Variants in TTYH2 observed in about 807,000 individuals in gnomAD.
The protein encoded by TTYH2 is protein tweety homolog 2.
TTYH2 carries 49 observed loss-of-function variants against 68.3 expected under a neutral mutation model. That is an observed-to-expected ratio of 0.72 (90% CI 0.57 to 0.91). The LOEUF (loss-of-function observed/expected upper bound fraction) is 0.91, where lower values mean the gene tolerates loss of function less well. Among genes scored for constraint, TTYH2 ranks in the 40% least tolerant of loss-of-function variants. The probability of loss-of-function intolerance (pLI) is 0.00; values close to 1 mark genes in which losing one functional copy is unlikely to be tolerated. For missense variants in TTYH2, 631 were observed against 700.4 expected (o/e 0.90, Z 1.12); for synonymous variants, 272 against 300.8 (o/e 0.90, Z 0.99).
Position 74,253,355 on chromosome 17 carries a change from C to T in TTYH2, c.1445+89C>T, listed in dbSNP as rs761911037. 1.2e-4 allele frequency: 167 copies of T among 1,451,060 alleles called. No homozygotes were observed. Among genetic ancestry groups the T allele is most frequent in the South Asian group, 1.5e-4 (11 of 71,998 alleles). 89.9% of individuals were successfully genotyped at this position (1,451,060 alleles called of 1,614,324 possible). A position where few individuals can be genotyped will look rare whatever the true frequency, so the allele number is the denominator to read the frequency against. ...ACAGTGCCGGGTGTGGGGAGGAAGGCATCCAAGGCCACCCGTGGTCCCCAC... is the reference window on the plus strand; with the variant it reads ...ACAGTGCCGGGTGTGGGGAGGAAGGTATCCAAGGCCACCCGTGGTCCCCAC... On this transcript the variant is annotated intron_variant, in intron 12 of 13. Transcript: ENST00000269346.
Position 74,250,307 on chromosome 17 carries a change from T to C in TTYH2, c.1066T>C (p.Ser356Pro), listed in dbSNP as rs1189152192. 1 of 1,613,678 alleles carries C rather than the reference T, an allele frequency of 6.2e-7. No homozygotes were observed. Among genetic ancestry groups the C allele is most frequent in the Admixed American group, 1.7e-5 (1 of 59,966 alleles). ...CCAGCTCCTGCTGAACTCCTCAGAG[T>C]CCAGCCTTCACCAGCTGACCGCCAT... is the stretch of plus-strand genomic sequence containing the variant. ...AIQLLLNSSE[S>P]SLHQLTAMVD... The change falls in exon 10 of 14, where the codon TCC becomes CCC. Residue 356 changes from serine to proline, a missense_variant. Coordinates refer to ENST00000269346, the MANE Select transcript of TTYH2 (RefSeq NM_032646.6).
Position 74,237,486 on chromosome 17 carries a change from G to T in TTYH2, c.607G>T (p.Asp203Tyr), listed in dbSNP as rs773235765. ...EVTMELTKLSDQTGYVEYYRW... is the reference protein window; with the variant it reads ...EVTMELTKLSYQTGYVEYYRW... The stretch of plus-strand genomic sequence containing the variant: ...CACCATGGAGCTGACCAAGCTATCC[G>T]ACCAGACTGGCTACGTGGAGTACTA... The change falls in exon 4 of 14, where the codon GAC becomes TAC. Residue 203 changes from aspartate to tyrosine, a missense_variant. Coordinates refer to ENST00000269346, the MANE Select transcript of TTYH2 (RefSeq NM_032646.6). 6.2e-7 allele frequency: 1 copy of T among 1,613,346 alleles called. No homozygotes were observed. The highest frequency in any genetic ancestry group is 8.5e-7 in the Non-Finnish European group (1 of 1,179,514).
intron 7 of TTYH2, 93 bp downstream of exon 7, chr17:74,249,173 C>G (rs1382773666): frequency 1.9e-6 from 3 of 1,578,162 alleles, no homozygotes; most frequent in Non-Finnish European, 2.6e-6. Flanking sequence ...GCCATCCAAC[C>G]CCTCCTCAAC....
At chr17:74,235,527 G>A (rs766189262) in intron 3 of TTYH2, among the ~76,000 whole-genome samples, 4 of 152,210 alleles carry the variant, frequency 2.6e-5, no homozygotes, top group Non-Finnish European at 4.4e-5. Flanking sequence ...GGAAAGTCCC[G>A]CTAACCAGTA....
At chr17:74,219,477 C>T (rs915485134) in intron 1 of TTYH2, among the ~76,000 whole-genome samples, 6 of 151,880 alleles carry the variant, frequency 4.0e-5, no homozygotes, top group Non-Finnish European at 7.4e-5. Context: ...CGAGCACCTG[C>T]GTGCGTGGTA....
intron 2 of TTYH2, among the ~76,000 whole-genome samples, chr17:74,227,031 G>A (rs1289376149): frequency 6.6e-6 from 1 of 152,004 alleles, no homozygotes; most frequent in Non-Finnish European, 1.5e-5. Flanking sequence ...CTGGAGTGCA[G>A]TGGCACGATC....
chr17:74,230,668 T>G (rs1218979539), intron 2 of TTYH2, among the ~76,000 whole-genome samples: 1 of 148,552 alleles, frequency 6.7e-6, no homozygotes, highest in African/African-American at 2.5e-5. Flanking sequence ...GGAGACAGAG[T>G]CTAGCTCTGT....
chr17:74,213,650 G>A lies in TTYH2; in HGVS notation c.63G>A (p.Pro21=), dbSNP rs1274471955. ...GGGTCGTGTGGCTGCACAGCGTCCCGCACGTCGGCCTGCGCCTGCAGCCCG... is the reference window on the plus strand; with the variant it reads ...GGGTCGTGTGGCTGCACAGCGTCCCACACGTCGGCCTGCGCCTGCAGCCCG... ...PWWVVWLHSV[P]HVGLRLQPVN... Residue 21 remains proline, a synonymous_variant, in exon 1 of 14, where the codon CCG becomes CCA. Transcript: ENST00000269346. This position sits in a 1 kb window ranked among gnomAD's most constrained non-coding sequence, Gnocchi z 6.1. 3 of 1,612,128 alleles carry A rather than the reference G, an allele frequency of 1.9e-6. No individual in the cohort carries two copies. Among genetic ancestry groups the A allele is most frequent in the East Asian group, 4.5e-5 (2 of 44,784 alleles).
rs535764707 is a variant in TTYH2, at chr17:74,218,013, C to T, written c.129+4297C>T. On this transcript the variant is annotated intron_variant, in intron 1 of 13. Coordinates refer to ENST00000269346, the MANE Select transcript of TTYH2 (RefSeq NM_032646.6). Reference sequence around the variant, plus strand: ...ATTGTCTTGGCAAAGCTCTGTCCATCTGAGCAGGGGGGCCTGGAAGCAGAA... The same window carrying T: ...ATTGTCTTGGCAAAGCTCTGTCCATTTGAGCAGGGGGGCCTGGAAGCAGAA... 1.4e-4 allele frequency among the ~76,000 whole-genome samples: 21 copies of T among 152,260 alleles called. No homozygotes were observed. The South Asian group carries it at 3.9e-3, about 29-fold the overall frequency.
Position 74,252,195 on chromosome 17 carries a change from C to T in TTYH2, c.1117-39C>T, listed in dbSNP as rs199510369. 1.9e-3 allele frequency: 3,007 copies of T among 1,607,826 alleles called. 82 individuals carry two copies. In the South Asian group the frequency reaches 0.031, roughly 16 times the overall value. ...GAGCTCGGCCCGCAGGCTTTGCCCCCGCTCCTTCACTAGCTGCATGTCCCT... is the reference window on the plus strand; with the variant it reads ...GAGCTCGGCCCGCAGGCTTTGCCCCTGCTCCTTCACTAGCTGCATGTCCCT... On this transcript the variant is annotated intron_variant, in intron 10 of 13. Transcript: ENST00000269346.
chr17:74,223,222 C>T (rs1477999640), intron 2 of TTYH2, among the ~76,000 whole-genome samples: 1 of 151,822 alleles, frequency 6.6e-6, no homozygotes, highest in Middle Eastern at 3.2e-3. Flanking sequence ...AATCCTCCCA[C>T]CTCAGCCTCC....
rs767084270 is a variant in TTYH2, at chr17:74,253,294, G to C, written c.1445+28G>C. The C allele has an allele frequency of 3.9e-6, 6 of 1,550,530 alleles. No homozygotes were observed. In the Middle Eastern group the frequency reaches 6.1e-4, roughly 158 times the overall value. On this transcript the variant is annotated intron_variant, in intron 12 of 13. Coordinates refer to ENST00000269346, the MANE Select transcript of TTYH2 (RefSeq NM_032646.6). ...ACGGCCTGCACACACACCCAGGCTG[G>C]GTAGCACTGCCCGGACAGCATGTTG...
At chr17:74,254,690 A>G (rs188130584) in intron 13 of TTYH2, among the ~76,000 whole-genome samples, 3 of 152,396 alleles carry the variant, frequency 2.0e-5, no homozygotes, top group African/African-American at 7.2e-5. Flanking sequence ...GAAGGTTTGC[A>G]GACATCTCAA....
chr17:74,249,260 G>A (rs2050593283), intron 7 of TTYH2, 84 bp from the exon 8 acceptor site: 4 of 1,588,234 alleles, frequency 2.5e-6, no homozygotes, highest in Non-Finnish European at 3.5e-6. Flanking sequence ...GGACGGGGAG[G>A]GAGGTCTGGC....
At chr17:74,219,656 A>T (rs1353107570) in intron 1 of TTYH2, among the ~76,000 whole-genome samples, 2 of 152,160 alleles carry the variant, frequency 1.3e-5, no homozygotes, top group Admixed American at 6.5e-5. Flanking sequence ...CATATAAATT[A>T]ATCCATACAG....
rs796487499 is a variant in TTYH2 at position 74,218,531 on chromosome 17, C to A, written c.130-3954C>A. ...GTATTTTTTTTTAAAAAAAGGAAAT[C>A]AAAAAAAAAAAAAAATGCCTCCGAG... On this transcript the variant is annotated intron_variant, in intron 1 of 13. Transcript: ENST00000269346. 5.8e-3 allele frequency among the ~76,000 whole-genome samples: 739 copies of A among 128,422 alleles called. 2 individuals carry two copies. Among genetic ancestry groups the A allele is most frequent in the African/African-American group, 0.015 (533 of 34,812 alleles). 84.2% of individuals were successfully genotyped at this position (128,422 alleles called of 152,430 possible).
At chr17:74,250,612 G>C (rs1191398875) in intron 10 of TTYH2, 2 of 454,698 alleles carry the variant, frequency 4.4e-6, no homozygotes, top group East Asian at 3.5e-5. Context: ...GTCACTGGGG[G>C]ACCCTGAACA....
At chr17:74,231,060 G>A (rs1381648924) in intron 3 of TTYH2, 61 bp downstream of exon 3, 2 of 1,496,628 alleles carry the variant, frequency 1.3e-6, no homozygotes. Context: ...CGTGGTCAGA[G>A]CAAGGGCCCC....
At position 74,213,614 on chromosome 17, in the gene TTYH2, C is replaced by T. The variant is rs2050192477; in HGVS notation, c.27C>T (p.Ile9=). The T allele has an allele frequency of 1.9e-6, 3 of 1,610,540 alleles. No individual in the cohort carries two copies. Among genetic ancestry groups the T allele is most frequent in the Non-Finnish European group, 2.5e-6 (3 of 1,178,842 alleles). The part of the protein sequence containing the change: MQAARVDY[I]APWWVVWLHS... ...TGCAGGCGGCGCGCGTGGACTACAT[C>T]GCTCCCTGGTGGGTCGTGTGGCTGC... Residue 9 remains isoleucine (I), a synonymous_variant, in exon 1 of 14, where the codon ATC becomes ATT. Coordinates refer to ENST00000269346, the MANE Select transcript of TTYH2 (RefSeq NM_032646.6). The surrounding 1 kb of genome is among the most constrained non-coding windows in gnomAD (Gnocchi z 6.1).
Sources: gnomAD v4.1 joint callset for allele counts (sites outside exome capture counted in the v4.1 genomes callset) on GRCh38, gnomAD v4.1.1 for gene constraint, Gnocchi (gnomAD v3.1) non-coding constraint, MANE v1.5 for transcripts, NCBI Gene and HGNC (gene_info 2026-07-23, HGNC 2026-07-21) for gene names.